The following SLC35F4 variants were observed in gnomAD, a reference collection of about 807,000 sequenced individuals.
SLC35F4 encodes the protein solute carrier family 35 member F4, also known as chromosome 14 open reading frame 36.
SLC35F4 carries 24 observed loss-of-function variants against 44.2 expected under a neutral mutation model. That is an observed-to-expected ratio of 0.54 (90% confidence interval 0.39 to 0.76). The LOEUF (loss-of-function observed/expected upper bound fraction) is 0.76, where lower values mean the gene tolerates loss of function less well. SLC35F4 is among the 30% of genes least tolerant of loss of function. The pLI, the probability that SLC35F4 is intolerant of heterozygous loss-of-function variation, is 0.00. For missense variants in SLC35F4, 562 were observed against 586.1 expected, an observed-to-expected ratio of 0.96 and a Z score of 0.42; for synonymous variants, 238 against 223.6, an observed-to-expected ratio of 1.06 and a Z score of -0.57.
intron 1 of SLC35F4, among the ~76,000 whole-genome samples, chr14:57,813,355 C>T (rs534393213): frequency 1.8e-4 from 28 of 152,172 alleles, no homozygotes; most frequent in Non-Finnish European, 2.6e-4. Flanking sequence ...TTTGGGAGGC[C>T]GAAGCCAGTG....
chr14:57,973,426 A>C (rs1013420109), downstream of SLC35F4, among the ~76,000 whole-genome samples: 4 of 152,170 alleles, frequency 2.6e-5, no homozygotes, highest in African/African-American at 9.7e-5. Flanking sequence ...TTGGGTCTAC[A>C]CACCTTACCT....
At chr14:57,705,962 C>A (rs1487425225) in intron 1 of SLC35F4, among the ~76,000 whole-genome samples, 2 of 152,124 alleles carry the variant, frequency 1.3e-5, no homozygotes, top group Non-Finnish European at 1.5e-5. Flanking sequence ...ATGCCTAGTG[C>A]TCCACTCAAT....
intron 1 of SLC35F4, among the ~76,000 whole-genome samples, chr14:57,839,325 C>G (rs534047965): frequency 1.2e-4 from 19 of 152,208 alleles, no homozygotes; most frequent in Admixed American, 7.2e-4. Context: ...ATTCTTGACC[C>G]GGCCTGCATC....
At chr14:57,630,065 A>G (rs1472879233) in intron 1 of SLC35F4, 3 of 540,730 alleles carry the variant, frequency 5.5e-6, no homozygotes, top group Non-Finnish European at 3.8e-6. Context: ...GGATTTGCTT[A>G]TATTCAATTT....
chr14:57,688,817 G>A (rs1373599916), intron 1 of SLC35F4, among the ~76,000 whole-genome samples: 1 of 152,044 alleles, frequency 6.6e-6, no homozygotes, highest in African/African-American at 2.4e-5. Flanking sequence ...AAGCAGAATT[G>A]TGCATTATTA....
intron 1 of SLC35F4, among the ~76,000 whole-genome samples, chr14:57,653,945 C>A (rs142372722): frequency 6.6e-6 from 1 of 152,264 alleles, no homozygotes; most frequent in Admixed American, 6.5e-5. Context: ...CCATGCTGCT[C>A]CCCTAGCTTC....
intron 1 of SLC35F4, among the ~76,000 whole-genome samples, chr14:57,624,081 C>G (rs2760288): frequency 0.7 from 106,372 of 151,902 alleles, 38,030 homozygotes; most frequent in Middle Eastern, 0.79. Context: ...AAAGAGAGGA[C>G]AATCAAATAG....
chr14:57,865,074 C>A (rs535271880), intron 1 of SLC35F4, among the ~76,000 whole-genome samples: 291 of 151,796 alleles, frequency 1.9e-3, no homozygotes, highest in Non-Finnish European at 3.4e-3. Context: ...CCCCCCCACG[C>A]CCCCAGTCTT....
rs112898184 is a variant in SLC35F4, at chr14:57,580,840, A to G, written c.807+374T>C. The G allele has an allele frequency of 2.9e-3, 503 of 173,714 alleles. 4 individuals carry two copies. Among genetic ancestry groups the G allele is most frequent in the African/African-American group, 0.012 (485 of 41,920 alleles). The allele number at this position is 173,714 out of a possible 1,614,324, so 10.8% of individuals were successfully genotyped here. ...GGGGGGAATGGGGGGTCATCTCAACATATGTTGATTGAAAAATGCAAACCA... is the reference window on the plus strand; with the variant it reads ...GGGGGGAATGGGGGGTCATCTCAACGTATGTTGATTGAAAAATGCAAACCA... On this transcript the variant is annotated intron_variant, in intron 4 of 7. Coordinates refer to ENST00000556826, the MANE Select transcript of SLC35F4 (RefSeq NM_001306087.2).
At chr14:57,914,419 C>T (rs1373849815) in intron 1 of SLC35F4, among the ~76,000 whole-genome samples, 2 of 152,158 alleles carry the variant, frequency 1.3e-5, no homozygotes, top group Admixed American at 6.5e-5. Flanking sequence ...GAAAATAAGC[C>T]GGGCATGGTG....
chr14:57,694,616 T>C (rs1248964507), intron 1 of SLC35F4, among the ~76,000 whole-genome samples: 1 of 152,174 alleles, frequency 6.6e-6, no homozygotes, highest in Non-Finnish European at 1.5e-5. Context: ...AATCTATCCC[T>C]CAGTTTGGGG....
intron 1 of SLC35F4, among the ~76,000 whole-genome samples, chr14:57,940,558 C>T (rs1451098922): frequency 6.6e-6 from 1 of 152,186 alleles, no homozygotes; most frequent in African/African-American, 2.4e-5. Flanking sequence ...TATGGTTATG[C>T]TGCTGCTCTC....
intron 1 of SLC35F4, among the ~76,000 whole-genome samples, chr14:57,844,947 C>G (rs1346021573): frequency 1.3e-5 from 2 of 152,080 alleles, no homozygotes; most frequent in South Asian, 4.1e-4. Flanking sequence ...CCCCACCCCC[C>G]CATGCACATA....
chr14:57,906,185 G>C (rs1368512681), intron 1 of SLC35F4, among the ~76,000 whole-genome samples: 1 of 152,186 alleles, frequency 6.6e-6, no homozygotes, highest in African/African-American at 2.4e-5. Flanking sequence ...AAAATTCAGA[G>C]AGTGCAGAAA....
At chr14:57,849,917 C>CCAGTA (rs1189727741) in intron 1 of SLC35F4, among the ~76,000 whole-genome samples, 1 of 152,164 alleles carries the variant, frequency 6.6e-6, no homozygotes, top group Non-Finnish European at 1.5e-5. Flanking sequence ...ACTTTGGAAA[C>CCAGTA]CAGTACGTCT....
At chr14:57,977,178 G>C (rs1881243322) in intron 1 of SLC35F4, among the ~76,000 whole-genome samples, 1 of 152,088 alleles carries the variant, frequency 6.6e-6, no homozygotes, top group South Asian at 2.1e-4. Context: ...ATAGTGCTTA[G>C]GGGAATTTTT....
chr14:57,848,517 T>C (rs190233193), intron 1 of SLC35F4, among the ~76,000 whole-genome samples: 55 of 152,292 alleles, frequency 3.6e-4, no homozygotes, highest in Middle Eastern at 3.4e-3. Context: ...GAAAACGATA[T>C]TGAAGGTTCC....
chr14:57,609,557 A>G (rs1595038855), intron 1 of SLC35F4, among the ~76,000 whole-genome samples: 1 of 152,242 alleles, frequency 6.6e-6, no homozygotes, highest in African/African-American at 2.4e-5. Flanking sequence ...GAGGCGAATT[A>G]TGGGAGCTAT....
chr14:57,649,776 C>T (rs1056930668), intron 1 of SLC35F4, among the ~76,000 whole-genome samples: 1 of 113,124 alleles, frequency 8.8e-6, no homozygotes, highest in African/African-American at 3.1e-5. Flanking sequence ...TGTTGCCCTA[C>T]TTAAAAGCAA....
Sources: gnomAD v4.1 joint callset for allele counts (sites outside exome capture counted in the v4.1 genomes callset) on GRCh38, gnomAD v4.1.1 for gene constraint, MANE v1.5 for transcripts, NCBI Gene and HGNC (gene_info 2026-07-23, HGNC 2026-07-21) for gene names.